Variants in CDYL2 observed in about 807,000 individuals in gnomAD.
CDYL2 encodes chromodomain Y like 2.
CDYL2 carries 23 observed loss-of-function variants against 49.4 expected under a neutral mutation model. That is an observed-to-expected ratio of 0.47 (90% CI 0.34 to 0.66). The LOEUF is 0.66. CDYL2 is among the 30% of genes least tolerant of loss of function. The pLI is 0.01. For synonymous variants in CDYL2, 360 were observed against 268.8 expected (o/e 1.34, Z -3.32); for missense variants, 678 against 656.4 (o/e 1.03, Z -0.36).
At chr16:80,606,206 C>T (rs75069231) in intron 6 of CDYL2, among the ~76,000 whole-genome samples, 3,619 of 152,346 alleles carry the variant, frequency 0.024, 138 homozygotes, top group African/African-American at 0.081. Flanking sequence ...TGGCTCTTTC[C>T]CCCTGGAATG....
intron 2 of CDYL2, among the ~76,000 whole-genome samples, chr16:80,683,665 C>T (rs1910058554): frequency 6.6e-6 from 1 of 152,190 alleles, no homozygotes; most frequent in Non-Finnish European, 1.5e-5. Flanking sequence ...TAAGCCACAA[C>T]ACAGTCACAG....
At chr16:80,708,094 G>A (rs1465096287) in intron 1 of CDYL2, among the ~76,000 whole-genome samples, 1 of 152,142 alleles carries the variant, frequency 6.6e-6, no homozygotes, top group Non-Finnish European at 1.5e-5. Context: ...AGGATGGTAG[G>A]TCTAAGGAAA....
At chr16:80,675,228 A>AC in intron 2 of CDYL2, among the ~76,000 whole-genome samples, 1 of 152,098 alleles carries the variant, frequency 6.6e-6, no homozygotes, top group African/African-American at 2.4e-5. Flanking sequence ...CTGGTCACAG[A>AC]CCCCCAACAG....
At chr16:80,800,608 CAG>C (rs1263376382) in intron 1 of CDYL2, among the ~76,000 whole-genome samples, 1 of 151,992 alleles carries the variant, frequency 6.6e-6, no homozygotes, top group African/African-American at 2.4e-5. Flanking sequence ...CACTTCCCTA[CAG>C]AGAGAGAACT....
intron 1 of CDYL2, among the ~76,000 whole-genome samples, chr16:80,720,986 C>A (rs1904978968): frequency 6.6e-6 from 1 of 152,110 alleles, no homozygotes; most frequent in Non-Finnish European, 1.5e-5. Flanking sequence ...GAAGTGGCTA[C>A]AGAGAGAAAA....
chr16:80,683,172 C>G (rs1910037549), intron 2 of CDYL2, among the ~76,000 whole-genome samples: 1 of 152,368 alleles, frequency 6.6e-6, no homozygotes, highest in Non-Finnish European at 1.5e-5. Flanking sequence ...GCATCCCGGT[C>G]TCCACACGCA....
At chr16:80,757,405 C>T (rs547495570) in intron 1 of CDYL2, among the ~76,000 whole-genome samples, 27 of 151,716 alleles carry the variant, frequency 1.8e-4, no homozygotes, top group South Asian at 1.0e-3. Flanking sequence ...TTGTGTGTAG[C>T]GGTGAATGCC....
chr16:80,732,555 G>C (rs551714154), intron 1 of CDYL2, among the ~76,000 whole-genome samples: 145 of 152,268 alleles, frequency 9.5e-4, no homozygotes, highest in Middle Eastern at 3.4e-3. Flanking sequence ...GTTATGTCTG[G>C]GAGATGTCTG....
intron 1 of CDYL2, among the ~76,000 whole-genome samples, chr16:80,797,129 T>G (rs763095580): frequency 6.6e-6 from 1 of 152,230 alleles, no homozygotes; most frequent in Non-Finnish European, 1.5e-5. Flanking sequence ...TTGGCTTTAA[T>G]TATAATCTAC....
intron 1 of CDYL2, among the ~76,000 whole-genome samples, chr16:80,692,578 C>G (rs1426149058): frequency 6.6e-6 from 1 of 152,076 alleles, no homozygotes; most frequent in Non-Finnish European, 1.5e-5. Flanking sequence ...ACAATGATAC[C>G]AAATAAATAC....
chr16:80,774,937 T>G (rs1277428689), intron 1 of CDYL2, among the ~76,000 whole-genome samples: 1 of 151,916 alleles, frequency 6.6e-6, no homozygotes, highest in Non-Finnish European at 1.5e-5. Flanking sequence ...AAGTAGGACT[T>G]ACTCTAAGAC....
intron 1 of CDYL2, among the ~76,000 whole-genome samples, chr16:80,750,923 G>C (rs569423400): frequency 1.6e-4 from 24 of 152,206 alleles, no homozygotes; most frequent in African/African-American, 5.5e-4. Context: ...GGGAGGCTGA[G>C]GCAGGAGAAT....
At chr16:80,794,598 A>ATTTTTT (rs966789395) in intron 1 of CDYL2, among the ~76,000 whole-genome samples, 9 of 66,828 alleles carry the variant, frequency 1.3e-4, no homozygotes, top group Non-Finnish European at 2.1e-4. Flanking sequence ...ATTCCCAGTG[A>ATTTTTT]TTTTTTTTTT....
At chr16:80,717,139 C>T (rs1904837050) in intron 1 of CDYL2, among the ~76,000 whole-genome samples, 1 of 129,016 alleles carries the variant, frequency 7.8e-6, no homozygotes. Context: ...GATGGGTGGA[C>T]TGGATCGATA....
In CDYL2 at chr16:80,751,920, G is replaced by A. The variant is rs148930799; in HGVS notation, c.24+52230C>T. ...GATAAATTTTCTCAGGAGATGGGCT[G>A]AGTGAATACTCTTTGTAGAAGGAAA... On this transcript the variant is annotated intron_variant, in intron 1 of 6. Transcript: ENST00000570137. Among the ~76,000 whole-genome samples the A allele has an allele frequency of 1.2e-4, 19 of 152,264 alleles. No individual in the cohort carries two copies. The East Asian group carries it at 2.9e-3, about 23-fold the overall frequency.
chr16:80,633,347 A>G (rs867963966), intron 2 of CDYL2, 111 bp from the exon 3 acceptor site: 1 of 1,058,132 alleles, frequency 9.5e-7, no homozygotes, highest in Middle Eastern at 2.5e-4. Context: ...GTGCTGGGAC[A>G]CACCACCTTC....
chr16:80,680,754 T>C (rs1408882022), intron 2 of CDYL2, among the ~76,000 whole-genome samples: 2 of 152,192 alleles, frequency 1.3e-5, no homozygotes. Context: ...GATGGATCTA[T>C]GAACCATCTC....
intron 1 of CDYL2, among the ~76,000 whole-genome samples, chr16:80,713,146 G>A (rs1327924153): frequency 6.6e-6 from 1 of 152,158 alleles, no homozygotes; most frequent in Non-Finnish European, 1.5e-5. Flanking sequence ...TGCAGTCTAT[G>A]GCTTTTTCTA....
chr16:80,749,601 G>C (rs1406610201), intron 1 of CDYL2, among the ~76,000 whole-genome samples: 1 of 151,996 alleles, frequency 6.6e-6, no homozygotes, highest in Non-Finnish European at 1.5e-5. Flanking sequence ...ACTAACTCTT[G>C]GCTAAGGAAG....
Sources: allele counts gnomAD v4.1 joint callset (sites outside exome capture counted in the v4.1 genomes callset), GRCh38; gene constraint gnomAD v4.1.1; transcripts MANE v1.5; gene names NCBI Gene and HGNC (gene_info 2026-07-23, HGNC 2026-07-21).